HELZ: variants seen among roughly 807,000 people sequenced by gnomAD.
HELZ encodes the protein ATP-dependent RNA helicase with zinc finger domain.
In HELZ, 23 loss-of-function variants were observed where a neutral mutation model predicts 218.2. The ratio of observed to expected loss-of-function variants is 0.11; its 90% confidence interval spans 0.08 to 0.15. The LOEUF (loss-of-function observed/expected upper bound fraction) is 0.15, where lower values mean the gene tolerates loss of function less well. Among genes scored for constraint, HELZ ranks in the 10% least tolerant of loss-of-function variants. The pLI, the probability that HELZ is intolerant of heterozygous loss-of-function variation, is 1.00. For synonymous variants in HELZ, 814 were observed against 829.4 expected, an observed-to-expected ratio of 0.98 and a Z score of 0.32; for missense variants, 1,813 against 2,353.7, an observed-to-expected ratio of 0.77 and a Z score of 4.75.
rs914625902 is a variant in HELZ at position 67,086,631 on chromosome 17, A to AATATAAATATAT, written c.5494+197_5494+198insATATATTTATAT. 3.9e-3 allele frequency among the ~76,000 whole-genome samples: 362 copies of AATATAAATATAT among 93,228 alleles called. 4 individuals are homozygous for AATATAAATATAT. The highest frequency in any genetic ancestry group is 0.016 in the African/African-American group (326 of 20,720). The allele number at this position is 93,228 out of a possible 152,430, so 61.2% of individuals were successfully genotyped here. ...ATATATATAAATAAATATAAATATA[A>AATATAAATATAT]ATATATATATATATATATATATATA... On this transcript the variant is annotated intron_variant, in intron 32 of 32. Coordinates refer to ENST00000358691, the MANE Select transcript of HELZ (RefSeq NM_014877.4).
chr17:67,195,862 T>C (rs2040013006), intron 7 of HELZ, among the ~76,000 whole-genome samples: 1 of 148,334 alleles, frequency 6.7e-6, no homozygotes, highest in Non-Finnish European at 1.5e-5. Flanking sequence ...CTTTTTTTTT[T>C]TTTTTTTGGG....
chr17:67,197,887 G>A (rs966823573), intron 7 of HELZ, among the ~76,000 whole-genome samples: 1 of 152,026 alleles, frequency 6.6e-6, no homozygotes, highest in Non-Finnish European at 1.5e-5. Context: ...CATTCTTTTT[G>A]TAAAACGAAG....
chr17:67,236,887 G>C (rs2041198564), intron 3 of HELZ, among the ~76,000 whole-genome samples: 1 of 152,088 alleles, frequency 6.6e-6, no homozygotes, highest in South Asian at 2.1e-4. Context: ...TGCTCACTTT[G>C]GCCTTGACTG....
intron 32 of HELZ, among the ~76,000 whole-genome samples, chr17:67,084,818 G>A (rs944163365): frequency 2.0e-5 from 3 of 152,050 alleles, no homozygotes; most frequent in Admixed American, 6.5e-5. Context: ...ATGAGTGAGT[G>A]TATTTATCCT....
At chr17:67,110,181 C>T (rs1270236595) in intron 28 of HELZ, among the ~76,000 whole-genome samples, 1 of 152,088 alleles carries the variant, frequency 6.6e-6, no homozygotes, top group Non-Finnish European at 1.5e-5. Flanking sequence ...AATTCTCCTG[C>T]CTCAGTCTCC....
intron 28 of HELZ, among the ~76,000 whole-genome samples, chr17:67,112,305 TAAA>T (rs1404213033): frequency 6.6e-6 from 1 of 152,146 alleles, no homozygotes; most frequent in Non-Finnish European, 1.5e-5. Flanking sequence ...ACAGAAATTT[TAAA>T]ACAAGGACAT....
chr17:67,216,399 G>A (rs2040601823), intron 4 of HELZ, among the ~76,000 whole-genome samples: 3 of 152,122 alleles, frequency 2.0e-5, no homozygotes, highest in Admixed American at 2.0e-4. Flanking sequence ...ACTCCAGCAA[G>A]CCTCCTCGAC....
At chr17:67,209,021 AAGGAAGGG>A (rs1175446865) in intron 5 of HELZ, among the ~76,000 whole-genome samples, 2 of 125,004 alleles carry the variant, frequency 1.6e-5, no homozygotes, top group Non-Finnish European at 3.2e-5. Flanking sequence ...GGAAGGAAGG[AAGGAAGGG>A]AGGAAGGGAG....
Position 67,189,686 on chromosome 17 carries a change from C to T in HELZ, c.767G>A (p.Cys256Tyr), listed in dbSNP as rs367881039. The change falls in exon 11 of 33, where the codon TGT (cysteine) becomes TAT (tyrosine). Residue 256 changes from cysteine (C) to tyrosine (Y), a missense_variant. This residue lies in a region of HELZ where 714 missense variants were observed against 1,029.2 expected (regional missense o/e 0.69). Coordinates refer to ENST00000358691, the MANE Select transcript of HELZ (RefSeq NM_014877.4). ...SLSPEKVLSECIEGVKVEHNP... is the reference protein window; with the variant it reads ...SLSPEKVLSEYIEGVKVEHNP... ...GTGCTCTACCTTTACTCCTTCTATA[C>T]ATTCACTAAGCTGAAAACAGACAGC... The T allele has an allele frequency of 3.7e-6, 6 of 1,606,734 alleles. No individual in the cohort carries two copies. In the African/African-American group the frequency reaches 5.4e-5, roughly 14 times the overall value.
intron 17 of HELZ, 22 bp downstream of exon 17, chr17:67,160,239 T>A: frequency 7.6e-7 from 1 of 1,318,490 alleles, no homozygotes; most frequent in Non-Finnish European, 1.1e-6. Context: ...TACAGATACA[T>A]AATAAGCCTT....
intron 19 of HELZ, among the ~76,000 whole-genome samples, chr17:67,149,304 C>A (rs78826870): frequency 0.049 from 7,392 of 152,210 alleles, 270 homozygotes; most frequent in Non-Finnish European, 0.07. Context: ...TGATGTAGGT[C>A]CAATCTTAAC....
chr17:67,138,220 T>C, intron 21 of HELZ, 106 bp from the exon 22 acceptor site: 1 of 835,182 alleles, frequency 1.2e-6, no homozygotes, highest in Non-Finnish European at 1.6e-6. Context: ...TTAGCAGATG[T>C]CATTTAAAAA....
intron 32 of HELZ, among the ~76,000 whole-genome samples, 199 bp downstream of exon 32, chr17:67,086,630 A>AG (rs1491544728): frequency 1.9e-5 from 1 of 52,816 alleles, no homozygotes; most frequent in Non-Finnish European, 3.4e-5. Context: ...ATATAAATAT[A>AG]AATATATATA....
chr17:67,116,841 C>G (rs2037442402), intron 27 of HELZ, among the ~76,000 whole-genome samples: 1 of 152,094 alleles, frequency 6.6e-6, no homozygotes, highest in Non-Finnish European at 1.5e-5. Flanking sequence ...TACCAACCAA[C>G]TTGACCTAAT....
Position 67,167,652 on chromosome 17 carries a change from T to G in HELZ, c.1575A>C (p.Arg525=). ...ETLSEDTLAG[R]LVMTKVNAVY... is the part of the protein sequence containing the mutation. Reference sequence around the variant, plus strand: ...CAGCATTGACTTTGGTCATCACCAGTCGTCCAGCCAAAGTATCTTCAGAAA... The same window carrying G: ...CAGCATTGACTTTGGTCATCACCAGGCGTCCAGCCAAAGTATCTTCAGAAA... Residue 525 remains arginine (R), a synonymous_variant, in exon 14 of 33, where the codon CGA becomes CGC. Transcript: ENST00000358691. The G allele has an allele frequency of 6.2e-7, 1 of 1,614,220 alleles. No individual in the cohort carries two copies. Among genetic ancestry groups the G allele is most frequent in the Non-Finnish European group, 8.5e-7 (1 of 1,180,036 alleles).
intron 24 of HELZ, among the ~76,000 whole-genome samples, chr17:67,127,957 GAACA>G (rs1462570579): frequency 6.6e-6 from 1 of 151,866 alleles, no homozygotes; most frequent in African/African-American, 2.4e-5. Flanking sequence ...AAAAAAAACA[GAACA>G]AATACTAAAC....
chr17:67,089,668 T>TATATATATAG (rs71293575), intron 31 of HELZ, among the ~76,000 whole-genome samples: 12 of 70,628 alleles, frequency 1.7e-4, no homozygotes, highest in South Asian at 6.8e-4. Context: ...TATATATATA[T>TATATATATAG]AGAGAGAGAG....
At chr17:67,153,815 G>GT (rs1253918153) in intron 17 of HELZ, among the ~76,000 whole-genome samples, 1 of 152,146 alleles carries the variant, frequency 6.6e-6, no homozygotes, top group Admixed American at 6.5e-5. Context: ...TATTTAAAAG[G>GT]TATGTTGTTT....
At chr17:67,232,232 C>T (rs920319358) in intron 3 of HELZ, among the ~76,000 whole-genome samples, 1 of 151,930 alleles carries the variant, frequency 6.6e-6, no homozygotes, top group Non-Finnish European at 1.5e-5. Flanking sequence ...CAACCTCCGC[C>T]TCCCAGGTTC....
Sources: gnomAD v4.1 joint callset for allele counts (sites outside exome capture counted in the v4.1 genomes callset) on GRCh38, gnomAD v4.1.1 for gene constraint, gnomAD v4.1.1 regional missense constraint, MANE v1.5 for transcripts, NCBI Gene and HGNC (gene_info 2026-07-23, HGNC 2026-07-21) for gene names.